NOC3L: variants seen among roughly 807,000 people sequenced by gnomAD.
NOC3L encodes NOC3 like DNA replication regulator, also known as nucleolar complex protein 3 homolog.
Under a neutral mutation model 102.5 loss-of-function variants are expected in NOC3L, and 85 were observed. The ratio of observed to expected loss-of-function variants is 0.83; its 90% confidence interval spans 0.70 to 0.99. The LOEUF (loss-of-function observed/expected upper bound fraction) is 0.99. Among genes scored for constraint, NOC3L ranks in the 50% least tolerant of loss-of-function variants. The pLI is 0.00. For synonymous variants in NOC3L, 303 were observed against 309.4 expected, an observed-to-expected ratio of 0.98 and a Z score of 0.22; for missense variants, 878 against 914.9, an observed-to-expected ratio of 0.96 and a Z score of 0.52.
intron 19 of NOC3L, among the ~76,000 whole-genome samples, chr10:94,335,416 A>G (rs2054207307): frequency 6.6e-6 from 1 of 152,196 alleles, no homozygotes; most frequent in Non-Finnish European, 1.5e-5. Context: ...GAAGAGTGAC[A>G]AAGAATTGTT....
At chr10:94,352,462 T>G in intron 7 of NOC3L, 59 bp from the exon 8 acceptor site, 1 of 1,111,772 alleles carries the variant, frequency 9.0e-7, no homozygotes, top group Non-Finnish European at 1.4e-6. Flanking sequence ...AGCCCAAAAT[T>G]AGTATAAAAT....
rs975534681 is a variant in NOC3L at position 94,357,396 on chromosome 10, C to G, written c.351-65G>C. On this transcript the variant is annotated intron_variant, in intron 3 of 20. Coordinates refer to ENST00000371361, the MANE Select transcript of NOC3L (RefSeq NM_022451.11). ...TCTAAAAAGTTATCTAGAGACCTAT[C>G]ATTTCAAAAGTACAGAAAAACCACC... 2.2e-6 allele frequency: 3 copies of G among 1,367,782 alleles called. No individual in the cohort carries two copies. The African/African-American group carries it at 4.4e-5, about 20-fold the overall frequency. The allele number at this position is 1,367,782 out of a possible 1,614,324, so 84.7% of individuals were successfully genotyped here.
intron 2 of NOC3L, among the ~76,000 whole-genome samples, chr10:94,360,091 G>A (rs1419167580): frequency 6.6e-6 from 1 of 152,158 alleles, no homozygotes; most frequent in Non-Finnish European, 1.5e-5. Flanking sequence ...GCCAAGGCGG[G>A]CAGATCACGA....
At chr10:94,334,823 G>T in intron 19 of NOC3L, 105 bp from the exon 20 acceptor site, 1 of 803,766 alleles carries the variant, frequency 1.2e-6, no homozygotes, top group Non-Finnish European at 2.0e-6. Flanking sequence ...CATATATTAA[G>T]GTATAAGATT....
At chr10:94,323,003 C>G in the NOC3L span, among the ~76,000 whole-genome samples, 3 of 152,156 alleles carry the variant, frequency 2.0e-5, 1 homozygote, top group Non-Finnish European at 4.4e-5. Flanking sequence ...AATATTAATT[C>G]ATTCCTTCAA....
chr10:94,324,628 A>T, the NOC3L span: 2 of 1,329,452 alleles, frequency 1.5e-6, no homozygotes, highest in South Asian at 2.3e-5. Context: ...ATTACACTGT[A>T]GCCAGATCTG....
chr10:94,352,923 G>C lies in NOC3L; in HGVS notation c.831C>G (p.Pro277=), dbSNP rs767229796. The part of the protein sequence containing the change: ...KDITPSYKIR[P]LTEAEKSTKT... ...TAGTAGATTTTTCTGCTTCTGTGAG[G>C]GGCCGGATTTTATATGAAGGAGTAA... Residue 277 remains proline, a synonymous_variant, in exon 7 of 21, where the codon CCC becomes CCG. Coordinates refer to ENST00000371361, the MANE Select transcript of NOC3L (RefSeq NM_022451.11). The C allele has an allele frequency of 6.2e-7, 1 of 1,613,300 alleles. No homozygotes were observed. The highest frequency in any genetic ancestry group is 1.3e-5 in the African/African-American group (1 of 74,994).
chr10:94,316,586 G>A, the NOC3L span: 603 of 1,609,346 alleles, frequency 3.7e-4, no homozygotes, highest in Non-Finnish European at 4.9e-4. Flanking sequence ...TGTTACCACA[G>A]ACTATTTTTT....
chr10:94,346,415 TAAGTC>T lies in NOC3L; in HGVS notation c.1389+5_1389+9del. 6.8e-7 allele frequency: 1 copy of T among 1,472,004 alleles called. No individual in the cohort carries two copies. Among genetic ancestry groups the T allele is most frequent in the South Asian group, 1.4e-5 (1 of 73,514 alleles). The allele number at this position is 1,472,004 out of a possible 1,614,324, so 91.2% of individuals were successfully genotyped here. ...AATTTAAATGAAACAAAAGGGGAAA[TAAGTC>T]AAACCTTTCTCTGCATTCTTGATAG... On this transcript the variant is annotated splice_donor_5th_base_variant and intron_variant, in intron 11 of 20. Coordinates refer to ENST00000371361, the MANE Select transcript of NOC3L (RefSeq NM_022451.11).
chr10:94,355,240 GTACT>G (rs2054469887), intron 5 of NOC3L, 147 bp from the exon 6 acceptor site: 1 of 575,020 alleles, frequency 1.7e-6, no homozygotes, highest in African/African-American at 1.9e-5. Context: ...AACAATACAG[GTACT>G]ATCATTGGAC....
intron 10 of NOC3L, among the ~76,000 whole-genome samples, chr10:94,346,818 G>A (rs1318403232): frequency 6.6e-6 from 1 of 152,120 alleles, no homozygotes; most frequent in African/African-American, 2.4e-5. Flanking sequence ...AGTTTAATGA[G>A]TATAAGGAAG....
At chr10:94,349,502 T>A in intron 9 of NOC3L, 124 bp from the exon 10 acceptor site, 1 of 710,090 alleles carries the variant, frequency 1.4e-6, no homozygotes, top group Non-Finnish European at 2.1e-6. Context: ...CCATGGACTT[T>A]CTCCACTAGA....
In NOC3L at chr10:94,334,274, T is replaced by C. The variant is rs1278317455; in HGVS notation, c.2306A>G (p.Asn769Ser). Residue 769 changes from asparagine to serine, a missense_variant, in exon 21 of 21, where the codon AAT becomes AGT. Asn to Ser is a conservative substitution (Grantham distance 46, BLOSUM62 1). Transcript: ENST00000371361. ...TTTGATTAGCTGATTTAAATCTTCATTCAAAAATGAATCCCCTTGTAAAAA... is the reference window on the plus strand; with the variant it reads ...TTTGATTAGCTGATTTAAATCTTCACTCAAAAATGAATCCCCTTGTAAAAA... ...GKFLQGDSFL[N>S]EDLNQLIKRY... is the part of the protein sequence containing the mutation. 19 of 1,608,662 alleles carry C rather than the reference T, an allele frequency of 1.2e-5. No individual in the cohort carries two copies. The highest frequency in any genetic ancestry group is 6.7e-5 in the Admixed American group (4 of 59,702).
At chr10:94,338,872 T>A in intron 17 of NOC3L, 136 bp from the exon 18 acceptor site, 2 of 628,388 alleles carry the variant, frequency 3.2e-6, no homozygotes, top group Non-Finnish European at 4.7e-6. Flanking sequence ...CACCTAGATT[T>A]AATAAAAAAC....
In NOC3L at chr10:94,338,669, A is replaced by G. The variant is rs2054248427; in HGVS notation, c.2030T>C (p.Leu677Pro). The part of the protein sequence containing the change: ...SQGSGVFLPE[L>P]DEPEYCNAQN... ...AGCATTGCAGTACTCAGGCTCATCC[A>G]GTTCAGGAAGGAAAACTCCACTTCC... is the stretch of plus-strand genomic sequence containing the variant. Residue 677 changes from leucine to proline, a missense_variant, in exon 18 of 21, where the codon CTG becomes CCG. Leu to Pro is a moderately conservative substitution (Grantham distance 98, BLOSUM62 -3). Coordinates refer to ENST00000371361, the MANE Select transcript of NOC3L (RefSeq NM_022451.11). The G allele has an allele frequency of 6.2e-7, 1 of 1,613,340 alleles. No individual in the cohort carries two copies. The highest frequency in any genetic ancestry group is 1.3e-5 in the African/African-American group (1 of 74,936).
intron 18 of NOC3L, 99 bp downstream of exon 18, chr10:94,338,509 A>G: frequency 7.6e-7 from 1 of 1,321,576 alleles, no homozygotes; most frequent in Admixed American, 2.6e-5. Context: ...AGAACAAAAT[A>G]TAATTAAGTA....
chr10:94,331,574 G>A (rs1002940374), downstream of NOC3L: 1 of 152,204 alleles, frequency 6.6e-6, no homozygotes, highest in Non-Finnish European at 1.5e-5. Flanking sequence ...TGCTCTCATG[G>A]TGAAAGTCTC....
intron 7 of NOC3L, 40 bp downstream of exon 7, chr10:94,352,856 T>A: frequency 1.3e-6 from 2 of 1,552,118 alleles, no homozygotes; most frequent in Non-Finnish European, 1.8e-6. Context: ...AAATGTTTAG[T>A]TATTTTAGAT....
At chr10:94,353,114 A>G in intron 6 of NOC3L, 57 bp from the exon 7 acceptor site, 1 of 1,413,618 alleles carries the variant, frequency 7.1e-7, no homozygotes, top group East Asian at 2.3e-5. Context: ...ATTATGAACA[A>G]AAGACAACAG....
Sources: allele counts gnomAD v4.1 joint callset (sites outside exome capture counted in the v4.1 genomes callset), GRCh38; gene constraint gnomAD v4.1.1; transcripts MANE v1.5; gene names NCBI Gene and HGNC (gene_info 2026-07-23, HGNC 2026-07-21).